COL26A1: variants seen among roughly 807,000 people sequenced by gnomAD.
The protein encoded by COL26A1 is collagen type XXVI alpha 1 chain, also known as collagen alpha-1(XXVI) chain.
In COL26A1, 41 loss-of-function variants were observed where a neutral mutation model predicts 59.3. The observed-to-expected ratio is 0.69, with a 90% CI of 0.54 to 0.90. COL26A1 has a LOEUF of 0.90. Ranked by LOEUF, COL26A1 falls within the 40% of genes least tolerant of loss-of-function variation. The pLI is 0.00. For missense variants in COL26A1, 612 were observed against 602.3 expected (o/e 1.02, Z -0.17); for synonymous variants, 266 against 256.0 (o/e 1.04, Z -0.37).
intron 1 of COL26A1, among the ~76,000 whole-genome samples, chr7:101,374,967 A>G (rs111506336): frequency 2.5e-4 from 38 of 152,176 alleles, no homozygotes; most frequent in African/African-American, 4.3e-4. Context: ...AGGCTGAGGC[A>G]GGAGAATCGC....
chr7:101,379,869 G>A (rs184544929), intron 1 of COL26A1, among the ~76,000 whole-genome samples: 77 of 152,350 alleles, frequency 5.1e-4, no homozygotes, highest in Middle Eastern at 3.4e-3. Flanking sequence ...AAAAGGGAAG[G>A]CATGAATAAT....
chr7:101,557,561 G>A lies in COL26A1; in HGVS notation c.*31G>A, dbSNP rs779576692. ...CACTGCTCCAGGACACCCTGTCCTG[G>A]CTAGAGACCCAGCCCCAGAGGCCTG... On this transcript the variant is annotated 3_prime_UTR_variant, in exon 13 of 13. Coordinates refer to ENST00000313669, the MANE Select transcript of COL26A1 (RefSeq NM_001278563.3). The A allele has an allele frequency of 2.5e-6, 4 of 1,575,334 alleles. No homozygotes were observed. Among genetic ancestry groups the A allele is most frequent in the Non-Finnish European group, 8.6e-7 (1 of 1,156,992 alleles).
intron 1 of COL26A1, among the ~76,000 whole-genome samples, chr7:101,387,387 G>A (rs1310315891): frequency 6.9e-6 from 1 of 144,004 alleles, no homozygotes; most frequent in Non-Finnish European, 1.5e-5. Flanking sequence ...AAAAAAAAAA[G>A]TTTATTTTTT....
intron 1 of COL26A1, among the ~76,000 whole-genome samples, chr7:101,401,120 T>A (rs1791986667): frequency 6.6e-6 from 1 of 152,184 alleles, no homozygotes; most frequent in South Asian, 2.1e-4. Context: ...GGCGCTGTCA[T>A]ACCAGCTCTT....
At chr7:101,501,118 G>A (rs929075968) in intron 3 of COL26A1, among the ~76,000 whole-genome samples, 10 of 149,872 alleles carry the variant, frequency 6.7e-5, no homozygotes, top group Non-Finnish European at 1.2e-4. Context: ...CTGGGAAGGC[G>A]GAGGTTGCAG....
chr7:101,519,317 G>C (rs539752101), intron 3 of COL26A1, among the ~76,000 whole-genome samples: 2 of 152,140 alleles, frequency 1.3e-5, no homozygotes, highest in Non-Finnish European at 2.9e-5. Flanking sequence ...TCTTTTTTTA[G>C]TTTTTCCCCT....
chr7:101,476,906 C>T (rs28392739), intron 3 of COL26A1, among the ~76,000 whole-genome samples: 37,651 of 146,450 alleles, frequency 0.26, 6,622 homozygotes, highest in African/African-American at 0.51. Context: ...TGCACTGGCA[C>T]GATCTCGGCT....
intron 1 of COL26A1, among the ~76,000 whole-genome samples, chr7:101,401,524 CAA>C (rs1041999312): frequency 8.6e-6 from 1 of 115,852 alleles, no homozygotes; most frequent in Non-Finnish European, 1.7e-5. Flanking sequence ...AGCAGGAGGA[CAA>C]AGAGAAGGAG....
chr7:101,446,600 A>T (rs1178070040), intron 2 of COL26A1, among the ~76,000 whole-genome samples: 1 of 152,160 alleles, frequency 6.6e-6, no homozygotes, highest in Non-Finnish European at 1.5e-5. Flanking sequence ...TAATCGCAGC[A>T]CTTTGGAAGG....
intron 3 of COL26A1, among the ~76,000 whole-genome samples, chr7:101,489,823 T>TC (rs1794394510): frequency 1.1e-4 from 1 of 8,950 alleles, no homozygotes; most frequent in Admixed American, 1.2e-3. Context: ...TCTTTCTTTC[T>TC]TTCTTTCTTT....
intron 12 of COL26A1, among the ~76,000 whole-genome samples, chr7:101,556,510 G>A (rs1448521304): frequency 6.6e-6 from 1 of 151,594 alleles, no homozygotes; most frequent in African/African-American, 2.4e-5. Flanking sequence ...TGAATGAATT[G>A]TTGAATGGAC....
At chr7:101,458,693 T>C (rs1257216150) in intron 3 of COL26A1, among the ~76,000 whole-genome samples, 1 of 152,280 alleles carries the variant, frequency 6.6e-6, no homozygotes, top group East Asian at 1.9e-4. Context: ...GAAAGTGTTT[T>C]CAGTTTGTTG....
intron 3 of COL26A1, among the ~76,000 whole-genome samples, chr7:101,531,655 C>A (rs901686423): frequency 6.6e-6 from 1 of 152,150 alleles, no homozygotes; most frequent in East Asian, 1.9e-4. Flanking sequence ...CCTCTTGACC[C>A]GAGACTGAGC....
Position 101,545,461 on chromosome 7 carries a change from A to G in COL26A1, c.827A>G (p.Tyr276Cys). The change falls in exon 7 of 13, where the codon TAC becomes TGC. Residue 276 changes from tyrosine (Y) to cysteine (C), a missense_variant. Tyr to Cys is a radical substitution (Grantham distance 194, BLOSUM62 -2). Transcript: ENST00000313669. The stretch of plus-strand genomic sequence containing the variant: ...CCAAACAGCCCCCAGGGCGCCCTCT[A>G]CTCCCTGCAGCCGCCTACAGACAAA... ...PSPNSPQGAL[Y>C]SLQPPTDKDN... 1 of 1,606,680 alleles carries G rather than the reference A, an allele frequency of 6.2e-7. No individual in the cohort carries two copies. Among genetic ancestry groups the G allele is most frequent in the Non-Finnish European group, 8.5e-7 (1 of 1,177,154 alleles).
chr7:101,391,646 A>C (rs1188623369), intron 1 of COL26A1, among the ~76,000 whole-genome samples: 1 of 151,956 alleles, frequency 6.6e-6, no homozygotes, highest in Non-Finnish European at 1.5e-5. Context: ...TGCAACCTCC[A>C]CCTCCCAGGT....
chr7:101,471,567 GTTTGTTTTTTTTTTTT>G (rs1793902925), intron 3 of COL26A1, among the ~76,000 whole-genome samples: 1 of 112,386 alleles, frequency 8.9e-6, no homozygotes, highest in African/African-American at 3.5e-5. Context: ...TGTTGTTGTT[GTTTGTTTTTTTTTTTT>G]TTTTTTTTTT....
chr7:101,544,091 C>A lies in COL26A1; in HGVS notation c.698C>A (p.Pro233Gln), dbSNP rs573223764. The change falls in exon 6 of 13, where the codon CCG becomes CAG. Residue 233 changes from proline (P) to glutamine (Q), a missense_variant. Pro to Gln is a moderately conservative substitution (Grantham distance 76). Transcript: ENST00000313669. ...ACAGGAGAGAAGGGTCCAGCGGGGC[C>A]GCCTGGTAAGAAAACCCCCCACATA... ...GQTGEKGPAG[P>Q]PGLLGPPGPR... The A allele has an allele frequency of 1.3e-6, 2 of 1,599,758 alleles. No individual in the cohort carries two copies. The highest frequency in any genetic ancestry group is 2.3e-5 in the East Asian group (1 of 44,384).
At chr7:101,512,583 C>T (rs1048867838) in intron 3 of COL26A1, among the ~76,000 whole-genome samples, 2 of 152,192 alleles carry the variant, frequency 1.3e-5, no homozygotes, top group Non-Finnish European at 2.9e-5. Context: ...GATCGTGCCA[C>T]TGCACTCCAG....
At chr7:101,493,284 C>G (rs1356220103) in intron 3 of COL26A1, among the ~76,000 whole-genome samples, 2 of 151,048 alleles carry the variant, frequency 1.3e-5, no homozygotes. Context: ...CCACTCTTCC[C>G]TCCTTCCTCC....
Sources: allele counts gnomAD v4.1 joint callset (sites outside exome capture counted in the v4.1 genomes callset), GRCh38; gene constraint gnomAD v4.1.1; transcripts MANE v1.5; gene names NCBI Gene and HGNC (gene_info 2026-07-23, HGNC 2026-07-21).